The following XKR9 variants were observed in gnomAD, a reference collection of about 807,000 sequenced individuals.
XKR9 encodes XK-related protein 9.
XKR9 carries 32 observed loss-of-function variants against 32.0 expected under a neutral mutation model. The ratio of observed to expected loss-of-function variants is 1.00; its 90% CI spans 0.76 to 1.34. XKR9 has a LOEUF of 1.34. XKR9 is among the 40% of genes most tolerant of loss of function. XKR9 has a pLI of 0.00. For missense variants in XKR9, 546 were observed against 429.7 expected, an observed-to-expected ratio of 1.27 and a Z score of -2.39; for synonymous variants, 168 against 143.4, an observed-to-expected ratio of 1.17 and a Z score of -1.22.
At chr8:70,700,680 G>C (rs1249710549) in intron 3 of XKR9, among the ~76,000 whole-genome samples, 6 of 152,202 alleles carry the variant, frequency 3.9e-5, no homozygotes, top group African/African-American at 1.4e-4. Context: ...GAGATCTCCA[G>C]CTGCGTGCTG....
chr8:70,755,130 T>C (rs757948375), intron 2 of XKR9, among the ~76,000 whole-genome samples: 1 of 152,222 alleles, frequency 6.6e-6, no homozygotes. Context: ...AAAGAAGACA[T>C]TTATGCAACC....
intron 2 of XKR9, among the ~76,000 whole-genome samples, chr8:70,785,737 CTCTATATA>C (rs1456053078): frequency 5.7e-4 from 66 of 115,692 alleles, no homozygotes; most frequent in African/African-American, 1.6e-3. Flanking sequence ...CTCTCTCTCT[CTCTATATA>C]TATATATATA....
At chr8:70,774,267 G>T (rs1186972909) in intron 2 of XKR9, among the ~76,000 whole-genome samples, 1 of 152,116 alleles carries the variant, frequency 6.6e-6, no homozygotes, top group Non-Finnish European at 1.5e-5. Context: ...ACCCTGAAGT[G>T]ATATAATTCA....
the XKR9 span, among the ~76,000 whole-genome samples, chr8:71,065,682 T>C: frequency 6.6e-6 from 1 of 152,224 alleles, no homozygotes; most frequent in Non-Finnish European, 1.5e-5. Context: ...AATGATGGTA[T>C]TGAGCTTCTA....
downstream of XKR9, among the ~76,000 whole-genome samples, chr8:70,736,899 C>T (rs1246451108): frequency 7.9e-5 from 12 of 151,800 alleles, no homozygotes; most frequent in African/African-American, 1.9e-4. Flanking sequence ...AGTCAGGTAG[C>T]GTGATGCCTC....
intron 3 of XKR9, among the ~76,000 whole-genome samples, chr8:70,688,637 T>C (rs1819394812): frequency 6.6e-6 from 1 of 151,846 alleles, no homozygotes; most frequent in Non-Finnish European, 1.5e-5. Flanking sequence ...AGGATGGTCT[T>C]GATCTCCTGA....
the XKR9 span, among the ~76,000 whole-genome samples, chr8:70,897,496 C>T: frequency 6.6e-6 from 1 of 152,154 alleles, no homozygotes; most frequent in Non-Finnish European, 1.5e-5. Context: ...TACATTACCA[C>T]CAACAGGGTA....
chr8:70,690,699 G>A (rs924863134), intron 3 of XKR9, among the ~76,000 whole-genome samples: 3 of 152,046 alleles, frequency 2.0e-5, no homozygotes, highest in Non-Finnish European at 2.9e-5. Flanking sequence ...CTATTCCTAC[G>A]TTAGTTTGCT....
At chr8:71,047,995 G>T in the XKR9 span, among the ~76,000 whole-genome samples, 32 of 152,130 alleles carry the variant, frequency 2.1e-4, 1 homozygote, top group Admixed American at 8.5e-4. Context: ...CAGTATGACT[G>T]TATTACTGGG....
the XKR9 span, among the ~76,000 whole-genome samples, chr8:70,810,983 G>T: frequency 1.3e-5 from 2 of 152,042 alleles, no homozygotes; most frequent in Admixed American, 6.6e-5. Context: ...TCAACAGAAT[G>T]TACATTCTTT....
the XKR9 span, among the ~76,000 whole-genome samples, chr8:70,956,709 G>A: frequency 6.6e-6 from 1 of 152,130 alleles, no homozygotes; most frequent in Admixed American, 6.5e-5. Flanking sequence ...AAGTAGGATG[G>A]GGGCTAGTGT....
At chr8:70,808,020 AC>A in the XKR9 span, among the ~76,000 whole-genome samples, 4 of 151,522 alleles carry the variant, frequency 2.6e-5, no homozygotes, top group African/African-American at 9.7e-5. Flanking sequence ...GAAGTAAACC[AC>A]TCCTTAGGAA....
intron 2 of XKR9, among the ~76,000 whole-genome samples, chr8:70,782,553 G>T (rs1306885946): frequency 6.6e-6 from 1 of 151,516 alleles, no homozygotes; most frequent in Non-Finnish European, 1.5e-5. Flanking sequence ...TTGAGATTTT[G>T]TACCTTTTGA....
intron 2 of XKR9, among the ~76,000 whole-genome samples, chr8:70,769,403 C>G (rs981158333): frequency 3.3e-5 from 5 of 151,938 alleles, no homozygotes; most frequent in Non-Finnish European, 7.4e-5. Flanking sequence ...GTGAATCTGA[C>G]AATTATGTGT....
At chr8:70,857,625 A>G in the XKR9 span, among the ~76,000 whole-genome samples, 4 of 152,234 alleles carry the variant, frequency 2.6e-5, no homozygotes, top group Non-Finnish European at 5.9e-5. Flanking sequence ...TGAGGCAAGC[A>G]TCATCCTGAT....
chr8:70,756,476 T>C (rs1290104143), intron 2 of XKR9, among the ~76,000 whole-genome samples: 1 of 152,208 alleles, frequency 6.6e-6, no homozygotes, highest in Non-Finnish European at 1.5e-5. Flanking sequence ...TTAAGCAGTG[T>C]TGAATATTTT....
chr8:70,842,393 G>A, the XKR9 span, among the ~76,000 whole-genome samples: 1 of 152,180 alleles, frequency 6.6e-6, no homozygotes, highest in Non-Finnish European at 1.5e-5. Context: ...TCTCTAAGAA[G>A]TTCTAGTTCC....
At chr8:70,976,404 T>A in the XKR9 span, among the ~76,000 whole-genome samples, 3 of 152,216 alleles carry the variant, frequency 2.0e-5, no homozygotes, top group African/African-American at 7.2e-5. Flanking sequence ...AATACCTAGT[T>A]TATTGAGAGT....
chr8:70,801,436 G>C, the XKR9 span, among the ~76,000 whole-genome samples: 1 of 152,162 alleles, frequency 6.6e-6, no homozygotes, highest in African/African-American at 2.4e-5. Flanking sequence ...AAGTCATTCA[G>C]GAGCAGGTTG....
Sources: gnomAD v4.1 joint callset for allele counts (sites outside exome capture counted in the v4.1 genomes callset) on GRCh38, gnomAD v4.1.1 for gene constraint, MANE v1.5 for transcripts, NCBI Gene and HGNC (gene_info 2026-07-23, HGNC 2026-07-21) for gene names.